Variants in CACFD1 observed in about 807,000 individuals in gnomAD.
CACFD1 encodes calcium channel flower domain containing 1.
Under a neutral mutation model 21.3 loss-of-function variants are expected in CACFD1, and 26 were observed. The observed-to-expected ratio is 1.22, with a 90% CI of 0.89 to 1.69. The LOEUF (loss-of-function observed/expected upper bound fraction) is 1.69. Ranked by LOEUF, CACFD1 falls within the 40% of genes most tolerant of loss-of-function variation. CACFD1 has a pLI of 0.00. For missense variants in CACFD1, 265 were observed against 236.2 expected (o/e 1.12, Z -0.80); for synonymous variants, 121 against 106.6 (o/e 1.13, Z -0.83).
chr9:133,465,414 T>TG lies in CACFD1; in HGVS notation c.288dup (p.Arg97AlafsTer65). 1 of 1,613,742 alleles carries TG rather than the reference T, an allele frequency of 6.2e-7. No individual in the cohort carries two copies. The highest frequency in any genetic ancestry group is 8.5e-7 in the Non-Finnish European group (1 of 1,179,796). On this transcript the variant is annotated frameshift_variant, in exon 3 of 5. Coordinates refer to ENST00000316948, the MANE Select transcript of CACFD1 (RefSeq NM_017586.5). LOFTEE classifies it high-confidence loss of function. This position sits in a 1 kb window ranked among gnomAD's most constrained non-coding sequence, Gnocchi z 5.0. Reference sequence around the variant, plus strand: ...ACAGTGGCGGAGAAGGTGGACCGGCTGCGCTCCTGGCAGAAGGCTGTCTTC... The same window carrying TG: ...ACAGTGGCGGAGAAGGTGGACCGGCTGGCGCTCCTGGCAGAAGGCTGTCTTC...
rs1564455545 is a variant in CACFD1 at position 133,463,569 on chromosome 9, GGC to G, written c.194+15_194+16del. ...CGTGTGGATGATGTGAGTAATGCAT[GGC>G]CGTCCCACCCCGGGGGTCTTGCTGG... On this transcript the variant is annotated intron_variant, in intron 2 of 4. Coordinates refer to ENST00000316948, the MANE Select transcript of CACFD1 (RefSeq NM_017586.5). The G allele has an allele frequency of 6.2e-7, 1 of 1,613,534 alleles. No homozygotes were observed. Among genetic ancestry groups the G allele is most frequent in the Middle Eastern group, 1.6e-4 (1 of 6,062 alleles).
chr9:133,461,702 T>G, intron 1 of CACFD1: 1 of 191,546 alleles, frequency 5.2e-6, no homozygotes, highest in Non-Finnish European at 9.6e-6. Flanking sequence ...GGGGCTCTGT[T>G]GGGTCTACAG....
intron 1 of CACFD1, among the ~76,000 whole-genome samples, chr9:133,463,129 G>A (rs1290379233): frequency 6.6e-6 from 1 of 152,240 alleles, no homozygotes; most frequent in Non-Finnish European, 1.5e-5. Context: ...ATCCTTGAGG[G>A]ACATTCACTC....
intron 3 of CACFD1, among the ~76,000 whole-genome samples, chr9:133,466,564 C>T (rs1291807322): frequency 1.4e-5 from 2 of 141,924 alleles, no homozygotes; most frequent in Non-Finnish European, 3.2e-5. Flanking sequence ...TGGTGTAAAT[C>T]GAGGTGTGAT....
intron 1 of CACFD1, among the ~76,000 whole-genome samples, chr9:133,461,612 G>A (rs1843222347): frequency 6.6e-6 from 1 of 152,194 alleles, no homozygotes; most frequent in Admixed American, 6.5e-5. Flanking sequence ...TGGCCCTGCC[G>A]ACTCCCAGAT....
At chr9:133,464,203 A>C (rs1212702580) in intron 2 of CACFD1, among the ~76,000 whole-genome samples, 1 of 152,132 alleles carries the variant, frequency 6.6e-6, no homozygotes, top group East Asian at 1.9e-4. Flanking sequence ...GAGTGTCCTC[A>C]TGGGGCTTGG....
intron 1 of CACFD1, 21 bp downstream of exon 1, chr9:133,460,208 A>AGG: frequency 6.6e-7 from 1 of 1,513,008 alleles, no homozygotes; most frequent in Non-Finnish European, 8.8e-7. Flanking sequence ...AGTCGGGGAG[A>AGG]GGGGCCGGCC....
intron 1 of CACFD1, 139 bp from the exon 2 acceptor site, chr9:133,463,344 C>A: frequency 6.6e-7 from 1 of 1,506,334 alleles, no homozygotes; most frequent in Non-Finnish European, 8.9e-7. Flanking sequence ...CGATAGAGGG[C>A]AGGCTTCTGG....
rs995101527 is a variant in CACFD1 at position 133,460,579 on chromosome 9, C to G, written c.121+392C>G. ...TCGGTGATGCTCACGGGGCGCATGC[C>G]CACCTGGCCCGTACTAAAGCGTCAA... On this transcript the variant is annotated intron_variant, in intron 1 of 4. Coordinates refer to ENST00000316948, the MANE Select transcript of CACFD1 (RefSeq NM_017586.5). Among the ~76,000 whole-genome samples, 4 of 148,358 alleles carry G rather than the reference C, an allele frequency of 2.7e-5. No homozygotes were observed. The Admixed American group carries it at 2.7e-4, about 10-fold the overall frequency.
chr9:133,464,642 C>T (rs1843359221), intron 2 of CACFD1, among the ~76,000 whole-genome samples: 1 of 152,196 alleles, frequency 6.6e-6, no homozygotes, highest in Admixed American at 6.5e-5. Context: ...GATTGTTATC[C>T]ATGCATAGAG....
At chr9:133,466,818 T>G (rs1229844813) in intron 3 of CACFD1, among the ~76,000 whole-genome samples, 15 of 152,018 alleles carry the variant, frequency 9.9e-5, no homozygotes, top group African/African-American at 3.1e-4. Flanking sequence ...TTTTCCCACG[T>G]GTTTCCATTG....
In CACFD1 at chr9:133,465,377, G is replaced by A. The variant is rs782273119; in HGVS notation, c.250G>A (p.Glu84Lys). ...CEAPFCCQFIEFANTVAEKVD... is the reference protein window; with the variant it reads ...CEAPFCCQFIKFANTVAEKVD... Reference sequence around the variant, plus strand: ...GGCGCCCTTCTGCTGCCAGTTCATCGAGTTTGCAAACACAGTGGCGGAGAA... The same window carrying A: ...GGCGCCCTTCTGCTGCCAGTTCATCAAGTTTGCAAACACAGTGGCGGAGAA... Residue 84 changes from glutamate (E) to lysine (K), a missense_variant, in exon 3 of 5, where the codon GAG becomes AAG. Physicochemically the swap from Glu to Lys is moderately conservative, Grantham distance 56. Transcript: ENST00000316948. This position sits in a 1 kb window ranked among gnomAD's most constrained non-coding sequence, Gnocchi z 5.0. 6.2e-6 allele frequency: 10 copies of A among 1,613,924 alleles called. No individual in the cohort carries two copies. Among genetic ancestry groups the A allele is most frequent in the Middle Eastern group, 1.6e-4 (1 of 6,082 alleles).
Position 133,465,887 on chromosome 9 carries a change from C to A in CACFD1, c.320+440C>A. ...TTGCAGAGCAGAAAATGTGGTTGCCCTCTAAATACACTTGTTAAAAATTTT... is the reference window on the plus strand; with the variant it reads ...TTGCAGAGCAGAAAATGTGGTTGCCATCTAAATACACTTGTTAAAAATTTT... On this transcript the variant is annotated intron_variant, in intron 3 of 4. Coordinates refer to ENST00000316948, the MANE Select transcript of CACFD1 (RefSeq NM_017586.5). This position sits in a 1 kb window ranked among gnomAD's most constrained non-coding sequence, Gnocchi z 5.0. 6.2e-6 allele frequency: 1 copy of A among 160,138 alleles called. No individual in the cohort carries two copies. Among genetic ancestry groups the A allele is most frequent in the South Asian group, 1.8e-4 (1 of 5,598 alleles). 9.9% of individuals were successfully genotyped at this position (160,138 alleles called of 1,614,324 possible).
rs782110017 is a variant in CACFD1 at position 133,468,034 on chromosome 9, TC to T, written c.428+7del. ...CTCTCTGCTCTGGGCAAAAAGTGCG[TC>T]TGCCAGGCCCAGCCCCTGGGCAGGG... is the stretch of plus-strand genomic sequence containing the variant. On this transcript the variant is annotated splice_region_variant and intron_variant, in intron 4 of 4. Coordinates refer to ENST00000316948, the MANE Select transcript of CACFD1 (RefSeq NM_017586.5). The T allele has an allele frequency of 8.7e-6, 14 of 1,610,576 alleles. No individual in the cohort carries two copies. In the Admixed American group the frequency reaches 2.3e-4, roughly 27 times the overall value.
chr9:133,468,288 C>T (rs933703214), intron 4 of CACFD1: 2 of 1,498,922 alleles, frequency 1.3e-6, no homozygotes, highest in Admixed American at 4.3e-5. Context: ...GCCCCTTCCC[C>T]TCCCAGGTCT....
At chr9:133,468,386 C>A in intron 4 of CACFD1, 177 bp from the exon 5 acceptor site, 2 of 1,535,874 alleles carry the variant, frequency 1.3e-6, no homozygotes, top group Non-Finnish European at 1.7e-6. Context: ...TCCCAGGGAG[C>A]CTGGGCCATT....
rs150106580 is a variant in CACFD1, at chr9:133,462,649, C to T, written c.122-834C>T. ...CCTCCTTGGACCTGCCTTGAAGGCT[C>T]CTGGAGTTCCTGGTGAAGCCAGGCT... is the stretch of plus-strand genomic sequence containing the variant. On this transcript the variant is annotated intron_variant, in intron 1 of 4. Coordinates refer to ENST00000316948, the MANE Select transcript of CACFD1 (RefSeq NM_017586.5). Among the ~76,000 whole-genome samples the T allele has an allele frequency of 2.8e-3, 433 of 152,298 alleles. 3 individuals are homozygous for T. The highest frequency in any genetic ancestry group is 8.9e-3 in the African/African-American group (372 of 41,572).
At position 133,461,408 on chromosome 9, in the gene CACFD1, G is replaced by A. The variant is rs1554798515; in HGVS notation, c.121+1221G>A. 3.3e-5 allele frequency among the ~76,000 whole-genome samples: 5 copies of A among 152,372 alleles called. No individual in the cohort carries two copies. The South Asian group carries it at 6.2e-4, about 19-fold the overall frequency. ...CGAGTTTGTGTCACTGCTCTTCAGG[G>A]CAAGTACGCTTTTGACTTTGTAGGA... On this transcript the variant is annotated intron_variant, in intron 1 of 4. Transcript: ENST00000316948.
At chr9:133,464,547 C>A (rs1428413560) in intron 2 of CACFD1, among the ~76,000 whole-genome samples, 1 of 151,982 alleles carries the variant, frequency 6.6e-6, no homozygotes, top group Non-Finnish European at 1.5e-5. Flanking sequence ...GTGTCCTGAG[C>A]CTGCATTTCT....
Sources: allele counts gnomAD v4.1 joint callset (sites outside exome capture counted in the v4.1 genomes callset), GRCh38; gene constraint gnomAD v4.1.1; non-coding constraint Gnocchi (gnomAD v3.1); transcripts MANE v1.5; gene names NCBI Gene and HGNC (gene_info 2026-07-23, HGNC 2026-07-21).